DLGAP4: variants seen among roughly 807,000 people sequenced by gnomAD.
DLGAP4 encodes the protein disks large-associated protein 4.
DLGAP4 carries 18 observed loss-of-function variants against 86.9 expected under a neutral mutation model. That is an observed-to-expected ratio of 0.21 (90% CI 0.14 to 0.31). The LOEUF is 0.31. DLGAP4 is among the 10% of genes least tolerant of loss of function. DLGAP4 has a pLI of 1.00. For synonymous variants in DLGAP4, 548 were observed against 574.3 expected, an observed-to-expected ratio of 0.95 and a Z score of 0.65; for missense variants, 1,085 against 1,362.6, an observed-to-expected ratio of 0.80 and a Z score of 3.21.
chr20:36,442,862 C>G, intron 6 of DLGAP4, 85 bp downstream of exon 6: 1 of 1,564,844 alleles, frequency 6.4e-7, no homozygotes, highest in Non-Finnish European at 8.8e-7. Flanking sequence ...GTCCCAGCAC[C>G]CGGCCCAGGC....
chr20:36,500,487 G>C lies in DLGAP4; in HGVS notation c.2388G>C (p.Gln796His). 6.3e-7 allele frequency: 1 copy of C among 1,591,898 alleles called. No homozygotes were observed. The highest frequency in any genetic ancestry group is 8.6e-7 in the Non-Finnish European group (1 of 1,168,838). Residue 796 changes from glutamine to histidine, a missense_variant, in exon 10 of 13, where the codon CAG (glutamine) becomes CAC (histidine). Gln to His is a conservative substitution (Grantham distance 24, BLOSUM62 0). This residue lies in a region of DLGAP4 where 1,082 missense variants were observed against 1,344.1 expected (regional missense o/e 0.81). Coordinates refer to ENST00000339266, the MANE Select transcript of DLGAP4 (RefSeq NM_001365621.2). The surrounding 1 kb of genome is among the most constrained non-coding windows in gnomAD (Gnocchi z 4.6). The part of the protein sequence containing the change: ...TSSSSPAEPA[Q>H]PGACRRDGYW... The stretch of plus-strand genomic sequence containing the variant: ...CCAGCTCCCCAGCAGAGCCGGCACA[G>C]CCAGGGGCCTGCCGCCGAGACGGCT...
At chr20:36,504,353 T>TTCATTTTTATGGC (rs2036271957) in intron 10 of DLGAP4, among the ~76,000 whole-genome samples, 1 of 134,490 alleles carries the variant, frequency 7.4e-6, no homozygotes, top group African/African-American at 4.1e-5. Flanking sequence ...TTACAGCATT[T>TTCATTTTTATGGC]TCATTTTTAT....
At position 36,472,004 on chromosome 20, in the gene DLGAP4, T is replaced by C. The variant is rs769791851; in HGVS notation, c.1649-24701T>C. 1.3e-3 allele frequency among the ~76,000 whole-genome samples: 205 copies of C among 152,230 alleles called. 4 individuals carry two copies. The highest frequency in any genetic ancestry group is 0.01 in the Middle Eastern group (3 of 294). Reference sequence around the variant, plus strand: ...AGGCTAAAGGAACTCAGTCGGTAGATCCGAGAGAGGTGGTCAGGGAGACCA... The same window carrying C: ...AGGCTAAAGGAACTCAGTCGGTAGACCCGAGAGAGGTGGTCAGGGAGACCA... On this transcript the variant is annotated intron_variant, in intron 7 of 12. Transcript: ENST00000339266.
chr20:36,334,877 C>A (rs1555891934), intron 1 of DLGAP4, among the ~76,000 whole-genome samples: 1 of 152,112 alleles, frequency 6.6e-6, no homozygotes, highest in African/African-American at 2.4e-5. Context: ...GTATCTGGGA[C>A]CGACGTGTCT....
At chr20:36,501,635 T>G (rs1306479074) in intron 10 of DLGAP4, among the ~76,000 whole-genome samples, 2 of 152,130 alleles carry the variant, frequency 1.3e-5, no homozygotes, top group Non-Finnish European at 1.5e-5. Flanking sequence ...CTGGTTCACC[T>G]GTGGCTCTGG....
chr20:36,363,681 C>A (rs2030594357), intron 1 of DLGAP4, among the ~76,000 whole-genome samples: 2 of 152,308 alleles, frequency 1.3e-5, no homozygotes, highest in South Asian at 4.1e-4. Flanking sequence ...TCCCTGGCTA[C>A]CCTGAGGTAG....
intron 2 of DLGAP4, among the ~76,000 whole-genome samples, chr20:36,398,212 C>G (rs1027096595): frequency 1.3e-5 from 2 of 152,174 alleles, no homozygotes; most frequent in African/African-American, 2.4e-5. Flanking sequence ...AGTGACAATT[C>G]TGGTGTGTTA....
intron 7 of DLGAP4, among the ~76,000 whole-genome samples, chr20:36,492,162 G>A (rs1170006083): frequency 1.3e-5 from 2 of 152,162 alleles, no homozygotes; most frequent in Admixed American, 6.5e-5. Context: ...TGGGGGTGAG[G>A]TATTTCCTCA....
At chr20:36,395,999 C>T (rs986677259) in intron 2 of DLGAP4, among the ~76,000 whole-genome samples, 1 of 152,108 alleles carries the variant, frequency 6.6e-6, no homozygotes, top group East Asian at 1.9e-4. Context: ...CCAGGCCTGC[C>T]TGGTCCCAGC....
chr20:36,514,090 G>A (rs540261569), intron 10 of DLGAP4, among the ~76,000 whole-genome samples: 15 of 152,262 alleles, frequency 9.9e-5, no homozygotes, highest in East Asian at 1.9e-4. Context: ...AACACTTAGC[G>A]GTGGAAAGGG....
chr20:36,510,150 T>C (rs1422263337), intron 10 of DLGAP4, among the ~76,000 whole-genome samples: 1 of 152,032 alleles, frequency 6.6e-6, no homozygotes, highest in Non-Finnish European at 1.5e-5. Context: ...AGTCTCTTTC[T>C]TTCTTCAGTG....
chr20:36,526,236 A>G (rs1448730302), intron 12 of DLGAP4: 4 of 640,274 alleles, frequency 6.2e-6, no homozygotes, highest in East Asian at 5.5e-5. Context: ...GCATGTCCAG[A>G]AAAGGGGATC....
chr20:36,436,393 GC>G, intron 4 of DLGAP4, 43 bp downstream of exon 4: 2 of 1,532,088 alleles, frequency 1.3e-6, no homozygotes, highest in Non-Finnish European at 1.7e-6. Context: ...CCAGAGGCAA[GC>G]CCCGCCCACT....
chr20:36,422,124 AG>A (rs1431981345), intron 2 of DLGAP4, among the ~76,000 whole-genome samples: 5 of 152,108 alleles, frequency 3.3e-5, no homozygotes, highest in Non-Finnish European at 5.9e-5. Context: ...ACCCCACCCC[AG>A]GCAGCAGCAA....
Position 36,527,178 on chromosome 20 carries a change from C to A in DLGAP4, c.*147C>A. On this transcript the variant is annotated 3_prime_UTR_variant, in exon 13 of 13. Transcript: ENST00000339266. Reference sequence around the variant, plus strand: ...TCAAATTGACGCATACAAGGGCTCACAATTTGGCTTTTTTGGGTCCCTCCC... The same window carrying A: ...TCAAATTGACGCATACAAGGGCTCAAAATTTGGCTTTTTTGGGTCCCTCCC... 2 of 827,434 alleles carry A rather than the reference C, an allele frequency of 2.4e-6. No individual in the cohort carries two copies. The highest frequency in any genetic ancestry group is 3.5e-6 in the Non-Finnish European group (2 of 573,046). 51.3% of individuals were successfully genotyped at this position (827,434 alleles called of 1,614,324 possible).
intron 10 of DLGAP4, among the ~76,000 whole-genome samples, chr20:36,509,246 G>C (rs1379066920): frequency 6.6e-6 from 1 of 152,018 alleles, no homozygotes; most frequent in Non-Finnish European, 1.5e-5. Flanking sequence ...AACGTAGTGA[G>C]ACCTCATGTC....
At chr20:36,489,104 C>G (rs750569528) in intron 7 of DLGAP4, among the ~76,000 whole-genome samples, 1 of 152,162 alleles carries the variant, frequency 6.6e-6, no homozygotes, top group Non-Finnish European at 1.5e-5. Context: ...ACTAAATAGA[C>G]CTGCGAAAGG....
chr20:36,328,911 G>A (rs1053081720), intron 1 of DLGAP4, among the ~76,000 whole-genome samples: 1 of 152,062 alleles, frequency 6.6e-6, no homozygotes, highest in East Asian at 1.9e-4. Flanking sequence ...GAGTAGCTGC[G>A]ACTACAGGCA....
At chr20:36,312,087 A>G (rs2065058313) in intron 1 of DLGAP4, among the ~76,000 whole-genome samples, 1 of 152,142 alleles carries the variant, frequency 6.6e-6, no homozygotes, top group Non-Finnish European at 1.5e-5. Flanking sequence ...GCCCCGCCAG[A>G]GGCCCCATCT....
Sources: gnomAD v4.1 joint callset for allele counts (sites outside exome capture counted in the v4.1 genomes callset) on GRCh38, gnomAD v4.1.1 for gene constraint, gnomAD v4.1.1 regional missense constraint, Gnocchi (gnomAD v3.1) non-coding constraint, MANE v1.5 for transcripts, NCBI Gene and HGNC (gene_info 2026-07-23, HGNC 2026-07-21) for gene names.